Variants in CWH43 observed in about 807,000 individuals in gnomAD.
CWH43 encodes cell wall biogenesis 43 C-terminal homolog.
A neutral mutation model predicts 85.7 loss-of-function variants in CWH43; 91 were observed. The ratio of observed to expected loss-of-function variants is 1.06; its 90% CI spans 0.90 to 1.26. CWH43 has a LOEUF of 1.26. CWH43 is among the 50% of genes most tolerant of loss of function. CWH43 has a pLI of 0.00. For synonymous variants in CWH43, 323 were observed against 293.6 expected (o/e 1.10, Z -1.02); for missense variants, 869 against 839.2 (o/e 1.04, Z -0.44).
intron 7 of CWH43, among the ~76,000 whole-genome samples, chr4:49,005,267 T>C (rs1262773723): frequency 6.6e-6 from 1 of 152,182 alleles, no homozygotes; most frequent in Non-Finnish European, 1.5e-5. Flanking sequence ...ATAGGTTGCA[T>C]AGTGGTTAAG....
chr4:49,039,742 T>A lies in CWH43; in HGVS notation c.1803+1562T>A, dbSNP rs537727718. ...GTATTTCTTTTTTTTTCTGATTTTT[T>A]TAAAATTTTATTATTATTATACTTT... is the stretch of plus-strand genomic sequence containing the variant. On this transcript the variant is annotated intron_variant, in intron 13 of 15. Coordinates refer to ENST00000226432, the MANE Select transcript of CWH43 (RefSeq NM_025087.3). 1.5e-3 allele frequency among the ~76,000 whole-genome samples: 225 copies of A among 151,954 alleles called. 1 individual carries two copies. Among genetic ancestry groups the A allele is most frequent in the African/African-American group, 4.7e-3 (194 of 41,448 alleles).
chr4:49,058,427 C>CA (rs1375965159), intron 15 of CWH43, among the ~76,000 whole-genome samples: 1 of 152,088 alleles, frequency 6.6e-6, no homozygotes, highest in Non-Finnish European at 1.5e-5. Flanking sequence ...ATCATGTACC[C>CA]ATTAACAAAT....
chr4:49,041,282 A>C (rs1286032298), intron 13 of CWH43, among the ~76,000 whole-genome samples: 1 of 152,214 alleles, frequency 6.6e-6, no homozygotes, highest in African/African-American at 2.4e-5. Context: ...TCTGTGAAGA[A>C]AGTCATTGGT....
intron 13 of CWH43, among the ~76,000 whole-genome samples, chr4:49,044,393 A>G (rs937511503): frequency 4.6e-5 from 7 of 152,228 alleles, no homozygotes; most frequent in Non-Finnish European, 7.3e-5. Flanking sequence ...AGAAACAGAT[A>G]CCTGGCACGA....
chr4:49,009,236 A>G (rs1410009542), intron 8 of CWH43, among the ~76,000 whole-genome samples: 1 of 152,120 alleles, frequency 6.6e-6, no homozygotes, highest in Non-Finnish European at 1.5e-5. Context: ...TCTTTGTAGC[A>G]ATTGTGAATG....
chr4:49,028,214 A>T (rs1386134954), intron 9 of CWH43, among the ~76,000 whole-genome samples: 4 of 151,434 alleles, frequency 2.6e-5, no homozygotes, highest in Non-Finnish European at 5.9e-5. Flanking sequence ...CTTTTTTTTT[A>T]AATTTAAAAT....
At chr4:49,055,450 T>C (rs1577716441) in intron 15 of CWH43, among the ~76,000 whole-genome samples, 1 of 152,186 alleles carries the variant, frequency 6.6e-6, no homozygotes, top group East Asian at 1.9e-4. Flanking sequence ...TCATTAGGGA[T>C]ATTGGCTTAT....
intron 13 of CWH43, among the ~76,000 whole-genome samples, chr4:49,040,274 C>T (rs1784416071): frequency 6.6e-6 from 1 of 152,196 alleles, no homozygotes. Flanking sequence ...AATGGGGTGG[C>T]TGGGTCAAAT....
In CWH43 at chr4:49,030,961, G is replaced by A. The variant is rs754517294; in HGVS notation, c.1508+1G>A. On this transcript the variant is annotated splice_donor_variant, in intron 11 of 15. Transcript: ENST00000226432. LOFTEE classifies it high-confidence loss of function. ...CAAGCACAAGGTATCACACTTGGGGGTGAGTATACCTTGGGAGTTAATCCC... is the reference window on the plus strand; with the variant it reads ...CAAGCACAAGGTATCACACTTGGGGATGAGTATACCTTGGGAGTTAATCCC... The A allele has an allele frequency of 3.2e-6, 5 of 1,584,428 alleles. No individual in the cohort carries two copies. Among genetic ancestry groups the A allele is most frequent in the African/African-American group, 2.7e-5 (2 of 73,064 alleles).
chr4:49,034,159 C>T (rs1200496599), intron 12 of CWH43, among the ~76,000 whole-genome samples: 1 of 152,124 alleles, frequency 6.6e-6, no homozygotes, highest in African/African-American at 2.4e-5. Context: ...ATAGATGGTT[C>T]ATATCTCTTA....
rs62295235 is a variant in CWH43 at position 49,060,188 on chromosome 4, G to A, written c.2022-1624G>A. On this transcript the variant is annotated intron_variant, in intron 15 of 15. Transcript: ENST00000226432. ...GGTGGCCTGGAGCTGGTTGCATAGG[G>A]GCCAGCCTAGCACCAGGTTGGGCTT... Among the ~76,000 whole-genome samples the A allele has an allele frequency of 5.3e-3, 799 of 152,072 alleles. 2 individuals are homozygous for A. Among genetic ancestry groups the A allele is most frequent in the Middle Eastern group, 0.01 (3 of 294 alleles).
rs1782498841 is a variant in CWH43, at chr4:48,986,487, C to G, written c.43+15C>G. The G allele has an allele frequency of 6.4e-7, 1 of 1,552,548 alleles. No homozygotes were observed. Among genetic ancestry groups the G allele is most frequent in the Admixed American group, 2.0e-5 (1 of 50,940 alleles). ...GTCGCTGCTGGGTAAGCCGAAGCCC[C>G]TCGCCGCGAGTTCGCGGGTGCCAGC... On this transcript the variant is annotated intron_variant, in intron 1 of 15. Transcript: ENST00000226432.
At chr4:49,058,045 T>A (rs183879060) in intron 15 of CWH43, among the ~76,000 whole-genome samples, 2 of 152,272 alleles carry the variant, frequency 1.3e-5, no homozygotes, top group East Asian at 3.9e-4. Flanking sequence ...TATAACTTAT[T>A]TTTTTCACTC....
intron 11 of CWH43, among the ~76,000 whole-genome samples, chr4:49,031,542 A>C (rs1339453459): frequency 6.6e-6 from 1 of 152,114 alleles, no homozygotes; most frequent in East Asian, 1.9e-4. Flanking sequence ...GTAAGAAAGG[A>C]AGTCAAGGAT....
intron 14 of CWH43, 91 bp from the exon 15 acceptor site, chr4:49,050,603 C>T: frequency 1.0e-6 from 1 of 987,824 alleles, no homozygotes; most frequent in Non-Finnish European, 1.5e-6. Context: ...AAGTGGGAAA[C>T]TGGTTTAATA....
intron 9 of CWH43, among the ~76,000 whole-genome samples, chr4:49,019,231 T>G (rs1783660177): frequency 5.9e-5 from 9 of 152,112 alleles, no homozygotes; most frequent in Admixed American, 5.9e-4. Context: ...CAAGCTGCCA[T>G]GAAGGAAACA....
At chr4:49,037,433 G>T (rs1475269237) in intron 12 of CWH43, among the ~76,000 whole-genome samples, 1 of 152,190 alleles carries the variant, frequency 6.6e-6, no homozygotes, top group Non-Finnish European at 1.5e-5. Context: ...AGTTGGGCAT[G>T]GTAGTGTGCA....
At chr4:49,002,805 T>A (rs777424627) in intron 6 of CWH43, among the ~76,000 whole-genome samples, 6 of 152,146 alleles carry the variant, frequency 3.9e-5, no homozygotes, top group Non-Finnish European at 5.9e-5. Flanking sequence ...TGCAATGGAA[T>A]GTATTGATGA....
At chr4:49,007,642 C>T (rs779062194) in intron 8 of CWH43, among the ~76,000 whole-genome samples, 2 of 151,812 alleles carry the variant, frequency 1.3e-5, no homozygotes, top group African/African-American at 2.4e-5. Flanking sequence ...CACCCCACAG[C>T]AGGCCCCAGT....
Sources: gnomAD v4.1 joint callset for allele counts (sites outside exome capture counted in the v4.1 genomes callset) on GRCh38, gnomAD v4.1.1 for gene constraint, MANE v1.5 for transcripts, NCBI Gene and HGNC (gene_info 2026-07-23, HGNC 2026-07-21) for gene names.